ZNF626: variants seen among roughly 807,000 people sequenced by gnomAD.
The protein encoded by ZNF626 is zinc finger protein 626.
Under a neutral mutation model 11.7 loss-of-function variants are expected in ZNF626, and 4 were observed. That is an observed-to-expected ratio of 0.34 (90% CI 0.17 to 0.78). The LOEUF (loss-of-function observed/expected upper bound fraction) is 0.78. ZNF626 is among the 30% of genes least tolerant of loss of function. ZNF626 has a pLI of 0.57. For synonymous variants in ZNF626, 179 were observed against 198.6 expected, an observed-to-expected ratio of 0.90 and a Z score of 0.83; for missense variants, 588 against 587.1, an observed-to-expected ratio of 1.00 and a Z score of -0.01.
rs191750351 is a variant in ZNF626 at position 20,626,230 on chromosome 19, G to C, written c.227-580C>G. ...TGAGCTGAGATTCCCAGAATCTCTAGTTAAGACAATTGATTTCAGACTATG... is the reference window on the plus strand; with the variant it reads ...TGAGCTGAGATTCCCAGAATCTCTACTTAAGACAATTGATTTCAGACTATG... On this transcript the variant is annotated intron_variant, in intron 3 of 3. Coordinates refer to ENST00000601440, the MANE Select transcript of ZNF626 (RefSeq NM_001076675.3). 3.5e-4 allele frequency among the ~76,000 whole-genome samples: 54 copies of C among 152,202 alleles called. 1 individual carries two copies. The highest frequency in any genetic ancestry group is 6.5e-4 in the Non-Finnish European group (44 of 67,996).
At chr19:20,645,276 C>G (rs1970062905) in intron 3 of ZNF626, 1 of 1,484,838 alleles carries the variant, frequency 6.7e-7, no homozygotes. Context: ...GAAACTATTA[C>G]TCTCAGACAT....
chr19:20,628,633 G>GT (rs1462851681), intron 3 of ZNF626, among the ~76,000 whole-genome samples: 1 of 152,078 alleles, frequency 6.6e-6, no homozygotes, highest in Non-Finnish European at 1.5e-5. Context: ...GGGGCTGTTT[G>GT]TTTTTTTCTT....
At chr19:20,651,814 T>C (rs1970148947) in intron 1 of ZNF626, among the ~76,000 whole-genome samples, 1 of 152,220 alleles carries the variant, frequency 6.6e-6, no homozygotes, top group African/African-American at 2.4e-5. Context: ...TTGCTAGCTC[T>C]TGTGTAAGAG....
rs1382981079 is a variant in ZNF626 at position 20,661,569 on chromosome 19, G to C, written c.-123C>G. ...ACCTGGAGCTCTGACTGCAGCGAGA[G>C]ACAAAGGCCGCACCAAACCCGGAAA... On this transcript the variant is annotated 5_prime_UTR_variant, in exon 1 of 4. Coordinates refer to ENST00000601440, the MANE Select transcript of ZNF626 (RefSeq NM_001076675.3). 5.2e-5 allele frequency: 60 copies of C among 1,161,494 alleles called. No individual in the cohort carries two copies. The highest frequency in any genetic ancestry group is 7.2e-5 in the Non-Finnish European group (58 of 803,136). 71.9% of individuals were successfully genotyped at this position (1,161,494 alleles called of 1,614,324 possible).
chr19:20,624,211 T>G lies in ZNF626; in HGVS notation c.*79A>C, dbSNP rs1969791310. On this transcript the variant is annotated 3_prime_UTR_variant, in exon 4 of 4. Transcript: ENST00000601440. ...GGGTTTTTTTCCAGTATGAATTTTC[T>G]TATGTGTAGTAAGGTTAGAGAAATG... 1 of 1,608,336 alleles carries G rather than the reference T, an allele frequency of 6.2e-7. No individual in the cohort carries two copies. The highest frequency in any genetic ancestry group is 1.7e-5 in the Admixed American group (1 of 59,756).
At chr19:20,645,208 A>G in intron 3 of ZNF626, 1 of 1,222,150 alleles carries the variant, frequency 8.2e-7, no homozygotes, top group South Asian at 3.1e-5. Context: ...TTTCAAGCCT[A>G]GATAGTAATA....
chr19:20,626,771 T>G (rs1969839399), intron 3 of ZNF626, among the ~76,000 whole-genome samples: 1 of 151,524 alleles, frequency 6.6e-6, no homozygotes, highest in South Asian at 2.1e-4. Context: ...TCGCAGCAAC[T>G]TAGGAGGCCA....
chr19:20,620,091 T>C lies in ZNF626; in HGVS notation c.*4199A>G, dbSNP rs1351722564. On this transcript the variant is annotated 3_prime_UTR_variant, in exon 4 of 4. Transcript: ENST00000601440. ...AATTATTCAATTTTGGTTAAATTTTTATTAAAATAAGCGTTAAAAATAATT... is the reference window on the plus strand; with the variant it reads ...AATTATTCAATTTTGGTTAAATTTTCATTAAAATAAGCGTTAAAAATAATT... 1 of 152,216 alleles carries C rather than the reference T, an allele frequency of 6.6e-6. No individual in the cohort carries two copies. Among genetic ancestry groups the C allele is most frequent in the East Asian group, 1.9e-4 (1 of 5,194 alleles). 9.4% of individuals were successfully genotyped at this position (152,216 alleles called of 1,614,324 possible).
chr19:20,645,548 A>C (rs1409156766), intron 3 of ZNF626, 136 bp downstream of exon 3: 1 of 1,553,510 alleles, frequency 6.4e-7, no homozygotes. Flanking sequence ...CAAACAAACA[A>C]ACAAAAAATA....
At chr19:20,632,238 A>G (rs1331538881) in intron 3 of ZNF626, among the ~76,000 whole-genome samples, 1 of 152,022 alleles carries the variant, frequency 6.6e-6, no homozygotes, top group Non-Finnish European at 1.5e-5. Context: ...CCTTCATTTC[A>G]ACTTTGGTGA....
intron 3 of ZNF626, among the ~76,000 whole-genome samples, chr19:20,632,573 A>G (rs1599475835): frequency 1.3e-5 from 2 of 152,214 alleles, no homozygotes; most frequent in Middle Eastern, 6.8e-3. Flanking sequence ...CTTCCAGTTG[A>G]TCGCATCGGC....
At chr19:20,657,952 G>C (rs939986150) in intron 1 of ZNF626, among the ~76,000 whole-genome samples, 1 of 152,114 alleles carries the variant, frequency 6.6e-6, no homozygotes, top group Admixed American at 6.5e-5. Flanking sequence ...GTTGAGGGGG[G>C]AGGGTGGGAG....
chr19:20,624,134 T>A lies in ZNF626; in HGVS notation c.*156A>T. ...TCTCCAGTATGAAATCTCTTATGTG[T>A]AGTAAGTTTAGAGGAGTGCTTAAAG... On this transcript the variant is annotated 3_prime_UTR_variant, in exon 4 of 4. Transcript: ENST00000601440. The A allele has an allele frequency of 8.2e-7, 1 of 1,214,878 alleles. No individual in the cohort carries two copies. The highest frequency in any genetic ancestry group is 1.2e-6 in the Non-Finnish European group (1 of 819,082). The allele number at this position is 1,214,878 out of a possible 1,614,324, so 75.3% of individuals were successfully genotyped here.
chr19:20,625,697 T>C, intron 3 of ZNF626, 47 bp from the exon 4 acceptor site: 2 of 1,481,086 alleles, frequency 1.4e-6, no homozygotes, highest in East Asian at 4.7e-5. Context: ...TAGACTCAGA[T>C]AAATATAAAT....
rs560100987 is a variant in ZNF626, at chr19:20,627,338, GTAT to G, written c.227-1691_227-1689del. On this transcript the variant is annotated intron_variant, in intron 3 of 3. Transcript: ENST00000601440. Reference sequence around the variant, plus strand: ...GCAGATGTAATGATGAAGAATTTTTGTATTCAACTGAAGTTTATTTTTTACCAC... The same window carrying G: ...GCAGATGTAATGATGAAGAATTTTTGTCAACTGAAGTTTATTTTTTACCAC... Among the ~76,000 whole-genome samples the G allele has an allele frequency of 1.8e-4, 27 of 152,046 alleles. No homozygotes were observed. The East Asian group carries it at 5.0e-3, about 28-fold the overall frequency.
At chr19:20,640,255 TA>T (rs1422160347) in intron 3 of ZNF626, among the ~76,000 whole-genome samples, 2 of 147,806 alleles carry the variant, frequency 1.4e-5, no homozygotes, top group Non-Finnish European at 3.0e-5. Flanking sequence ...TTTTAATTAT[TA>T]AAATTATTAA....
chr19:20,635,849 C>T (rs1459451501), intron 3 of ZNF626, among the ~76,000 whole-genome samples: 3 of 152,078 alleles, frequency 2.0e-5, no homozygotes, highest in African/African-American at 2.4e-5. Context: ...AAAACTGTTA[C>T]AGGCCAGGCG....
chr19:20,631,944 G>A (rs1356902872), intron 3 of ZNF626, among the ~76,000 whole-genome samples: 2 of 151,848 alleles, frequency 1.3e-5, no homozygotes, highest in African/African-American at 4.8e-5. Context: ...TCCTTTCCAT[G>A]TTTAGTGCTT....
At chr19:20,632,512 T>C (rs1412038525) in intron 3 of ZNF626, among the ~76,000 whole-genome samples, 1 of 152,184 alleles carries the variant, frequency 6.6e-6, no homozygotes, top group Non-Finnish European at 1.5e-5. Context: ...TCTCTAAACT[T>C]CTCTTCTCGC....
Sources: allele counts gnomAD v4.1 joint callset (sites outside exome capture counted in the v4.1 genomes callset), GRCh38; gene constraint gnomAD v4.1.1; transcripts MANE v1.5; gene names NCBI Gene and HGNC (gene_info 2026-07-23, HGNC 2026-07-21).